Variants in PAM observed in about 807,000 individuals in gnomAD.
The protein encoded by PAM is peptidylglycine alpha-amidating monooxygenase.
PAM carries 72 observed loss-of-function variants against 122.1 expected under a neutral mutation model. That is an observed-to-expected ratio of 0.59 (90% CI 0.49 to 0.72). The LOEUF is 0.72. Ranked by LOEUF, PAM falls within the 30% of genes least tolerant of loss-of-function variation. The pLI is 0.00. For missense variants in PAM, 1,106 were observed against 1,183.7 expected, an observed-to-expected ratio of 0.93 and a Z score of 0.96; for synonymous variants, 389 against 404.4, an observed-to-expected ratio of 0.96 and a Z score of 0.46.
intron 12 of PAM, among the ~76,000 whole-genome samples, chr5:102,959,659 G>A (rs907716736): frequency 6.6e-6 from 1 of 152,090 alleles, no homozygotes; most frequent in Non-Finnish European, 1.5e-5. Flanking sequence ...TGGTGTGCCT[G>A]CAAACTGACA....
intron 12 of PAM, among the ~76,000 whole-genome samples, chr5:102,951,124 T>C (rs1319008205): frequency 1.3e-5 from 2 of 152,084 alleles, no homozygotes; most frequent in African/African-American, 4.8e-5. Context: ...GAAAATATAA[T>C]GATAATGAAA....
chr5:102,955,561 T>C (rs1239854142), intron 12 of PAM, among the ~76,000 whole-genome samples: 1 of 152,114 alleles, frequency 6.6e-6, no homozygotes, highest in Non-Finnish European at 1.5e-5. Context: ...GACCTAAAGC[T>C]ATTTATATTA....
chr5:102,915,027 G>T (rs1397908844), intron 5 of PAM, among the ~76,000 whole-genome samples: 1 of 152,078 alleles, frequency 6.6e-6, no homozygotes, highest in Admixed American at 6.6e-5. Context: ...TATGGTTTGA[G>T]ATTGTCCCTC....
intron 12 of PAM, 93 bp from the exon 13 acceptor site, chr5:102,959,782 C>A: frequency 1.4e-6 from 1 of 738,286 alleles, no homozygotes; most frequent in Admixed American, 2.4e-5. Context: ...CCTTTGAATC[C>A]ATTGCTGGCA....
At chr5:102,940,852 T>G (rs1754970837) in intron 7 of PAM, among the ~76,000 whole-genome samples, 1 of 152,104 alleles carries the variant, frequency 6.6e-6, no homozygotes, top group Non-Finnish European at 1.5e-5. Context: ...GGTGTTAGTT[T>G]TTTAAGTTTC....
At chr5:102,834,913 G>T (rs73189054) in intron 1 of PAM, among the ~76,000 whole-genome samples, 3,213 of 152,132 alleles carry the variant, frequency 0.021, 53 homozygotes, top group East Asian at 0.089. Context: ...CAGTAACCTG[G>T]ACACAAAGAT....
chr5:102,825,647 C>T (rs1320751083), intron 1 of PAM, among the ~76,000 whole-genome samples: 3 of 152,214 alleles, frequency 2.0e-5, no homozygotes, highest in African/African-American at 4.8e-5. Context: ...AATGAAAATA[C>T]TACTTCAATC....
At chr5:102,776,668 A>C (rs1022986121) in intron 1 of PAM, among the ~76,000 whole-genome samples, 3 of 152,102 alleles carry the variant, frequency 2.0e-5, no homozygotes, top group African/African-American at 7.2e-5. Context: ...AGAAACAGAT[A>C]AAATTTACTC....
intron 12 of PAM, among the ~76,000 whole-genome samples, chr5:102,956,011 G>A (rs958676474): frequency 6.6e-6 from 1 of 151,984 alleles, no homozygotes; most frequent in Non-Finnish European, 1.5e-5. Flanking sequence ...GGAGCTCAGA[G>A]TTACCTTGAC....
intron 1 of PAM, among the ~76,000 whole-genome samples, chr5:102,812,619 A>G (rs1768288026): frequency 6.6e-6 from 1 of 152,152 alleles, no homozygotes; most frequent in South Asian, 2.1e-4. Context: ...TGCAGGAAGT[A>G]ATTATTTTTA....
At chr5:103,012,323 C>G (rs1353692608) in intron 21 of PAM, among the ~76,000 whole-genome samples, 1 of 152,136 alleles carries the variant, frequency 6.6e-6, no homozygotes, top group East Asian at 1.9e-4. Flanking sequence ...GGGTATTACT[C>G]AAAACAATTT....
intron 3 of PAM, among the ~76,000 whole-genome samples, chr5:102,887,136 T>C (rs951249870): frequency 7.9e-5 from 12 of 152,142 alleles, no homozygotes; most frequent in Non-Finnish European, 1.6e-4. Context: ...GAACTCATGT[T>C]GAAAGTTGAT....
intron 25 of PAM, 34 bp from the exon 26 acceptor site, chr5:103,028,851 CTT>C: frequency 6.7e-7 from 1 of 1,488,886 alleles, no homozygotes; most frequent in Non-Finnish European, 9.2e-7. Context: ...TTGCTGCAAA[CTT>C]TACCCAATTC....
intron 4 of PAM, among the ~76,000 whole-genome samples, chr5:102,904,310 C>A (rs944829411): frequency 2.0e-5 from 3 of 151,442 alleles, no homozygotes; most frequent in Non-Finnish European, 1.5e-5. Context: ...TTTGTTTATT[C>A]TTTCCTTAAG....
intron 15 of PAM, among the ~76,000 whole-genome samples, chr5:102,975,632 C>A (rs573509758): frequency 6.2e-4 from 94 of 152,310 alleles, no homozygotes; most frequent in African/African-American, 2.2e-3. Context: ...ACAACTGAAT[C>A]AGCATTTCTG....
intron 8 of PAM, among the ~76,000 whole-genome samples, chr5:102,947,639 A>G (rs1035786817): frequency 1.3e-5 from 2 of 152,272 alleles, no homozygotes; most frequent in East Asian, 3.9e-4. Context: ...AACTTAGGTA[A>G]CCAAATACCA....
intron 3 of PAM, among the ~76,000 whole-genome samples, chr5:102,896,400 G>T (rs900495298): frequency 3.3e-5 from 5 of 151,688 alleles, no homozygotes; most frequent in Admixed American, 1.3e-4. Flanking sequence ...ACCCTAATTA[G>T]GCAGCATCTA....
intron 1 of PAM, among the ~76,000 whole-genome samples, chr5:102,863,283 C>T (rs1784657542): frequency 6.6e-6 from 1 of 152,170 alleles, no homozygotes; most frequent in Non-Finnish European, 1.5e-5. Flanking sequence ...TGTTCCCCAC[C>T]TGGGCTCCTT....
chr5:102,895,077 A>C (rs1337740424), intron 3 of PAM, among the ~76,000 whole-genome samples: 1 of 151,690 alleles, frequency 6.6e-6, no homozygotes, highest in African/African-American at 2.4e-5. Context: ...CAGGCCCTGC[A>C]TTGTGTGCCA....
Sources: gnomAD v4.1 joint callset for allele counts (sites outside exome capture counted in the v4.1 genomes callset) on GRCh38, gnomAD v4.1.1 for gene constraint, MANE v1.5 for transcripts, NCBI Gene and HGNC (gene_info 2026-07-23, HGNC 2026-07-21) for gene names.